CREB1: variants seen among roughly 807,000 people sequenced by gnomAD.
The protein encoded by CREB1 is cyclic AMP-responsive element-binding protein 1.
In CREB1, 2 loss-of-function variants were observed where a neutral mutation model predicts 42.0. The ratio of observed to expected loss-of-function variants is 0.05; its 90% CI spans 0.02 to 0.15. The LOEUF (loss-of-function observed/expected upper bound fraction) is 0.15, where lower values mean the gene tolerates loss of function less well. CREB1 is among the 10% of genes least tolerant of loss of function. CREB1 has a pLI of 1.00. For missense variants in CREB1, 199 were observed against 388.9 expected, an observed-to-expected ratio of 0.51 and a Z score of 4.11; for synonymous variants, 123 against 139.9, an observed-to-expected ratio of 0.88 and a Z score of 0.85.
chr2:207,555,485 A>G, intron 1 of CREB1, 143 bp from the exon 2 acceptor site: 1 of 520,574 alleles, frequency 1.9e-6, no homozygotes. Context: ...TAATTCAGCT[A>G]CATTATATTT....
At chr2:207,582,915 A>G in intron 7 of CREB1, 1 of 273,640 alleles carries the variant, frequency 3.7e-6, no homozygotes, top group Non-Finnish European at 7.3e-6. Context: ...ACAAACAAAA[A>G]AAAATATATA....
chr2:207,596,865 A>G (rs2086278930), intron 7 of CREB1, 49 bp from the exon 8 acceptor site: 2 of 1,575,780 alleles, frequency 1.3e-6, no homozygotes, highest in African/African-American at 1.4e-5. Context: ...TCCAAAATAA[A>G]TATGTGGAAA....
In CREB1 at chr2:207,597,149, A is replaced by G. The variant is rs993337006; in HGVS notation, c.*91A>G. ...AAAATAAACATTTTATTTTCTAAACATTTCTTTTTTTCTATGCGCAAAACT... is the reference window on the plus strand; with the variant it reads ...AAAATAAACATTTTATTTTCTAAACGTTTCTTTTTTTCTATGCGCAAAACT... On this transcript the variant is annotated 3_prime_UTR_variant, in exon 8 of 8. Transcript: ENST00000353267. 2.1e-6 allele frequency: 3 copies of G among 1,401,588 alleles called. No homozygotes were observed. The highest frequency in any genetic ancestry group is 1.5e-5 in the African/African-American group (1 of 66,600). The allele number at this position is 1,401,588 out of a possible 1,614,324, so 86.8% of individuals were successfully genotyped here.
At chr2:207,555,169 T>A (rs928124422) in intron 1 of CREB1, among the ~76,000 whole-genome samples, 1 of 152,178 alleles carries the variant, frequency 6.6e-6, no homozygotes, top group East Asian at 1.9e-4. Flanking sequence ...TTCCTTCTTA[T>A]GGGGGGAAAT....
rs370694699 is a variant in CREB1, at chr2:207,580,280, A to G, written c.839+2625A>G. Among the ~76,000 whole-genome samples the G allele has an allele frequency of 2.0e-5, 3 of 152,322 alleles. No individual in the cohort carries two copies. In the East Asian group the frequency reaches 5.8e-4, roughly 29 times the overall value. On this transcript the variant is annotated intron_variant, in intron 7 of 7. Transcript: ENST00000353267. ...ACTTCACTGATTCCAGTATGCAGCC[A>G]TCTTCTGCTGTGCCTCTCAAACCAG...
chr2:207,568,980 A>G (rs2082247373), intron 4 of CREB1, among the ~76,000 whole-genome samples: 1 of 152,112 alleles, frequency 6.6e-6, no homozygotes, highest in African/African-American at 2.4e-5. Flanking sequence ...AGCTAAAACC[A>G]TTACTCTCTC....
intron 3 of CREB1, among the ~76,000 whole-genome samples, chr2:207,567,094 A>G (rs756819080): frequency 3.9e-5 from 6 of 152,186 alleles, no homozygotes; most frequent in Non-Finnish European, 7.4e-5. Flanking sequence ...TAGTCACTAT[A>G]TAGACTTAGG....
intron 1 of CREB1, among the ~76,000 whole-genome samples, chr2:207,540,669 T>TAAAAAAAAAAAAAAAAAAAAAAAAA (rs35714520): frequency 1.6e-5 from 1 of 64,268 alleles, no homozygotes; most frequent in African/African-American, 7.0e-5. Context: ...GTTTAAAAAG[T>TAAAAAAAAAAAAAAAAAAAAAAAAA]AAAAAAAAAA....
intron 7 of CREB1, among the ~76,000 whole-genome samples, chr2:207,590,981 A>G (rs956282476): frequency 2.0e-5 from 3 of 152,112 alleles, no homozygotes; most frequent in Admixed American, 6.5e-5. Context: ...TTTTTGACCT[A>G]TAGACTTAGA....
chr2:207,571,628 C>T (rs896348596), intron 5 of CREB1: 42 of 347,084 alleles, frequency 1.2e-4, no homozygotes, highest in South Asian at 1.6e-4. Context: ...CAATTCTGTA[C>T]GTGTATGTGT....
chr2:207,582,856 ACTC>A, intron 7 of CREB1: 1 of 329,518 alleles, frequency 3.0e-6, no homozygotes, highest in Non-Finnish European at 6.0e-6. Flanking sequence ...TGGCACTACT[ACTC>A]CAGCCTGAGT....
intron 3 of CREB1, among the ~76,000 whole-genome samples, chr2:207,561,395 A>T (rs1313358618): frequency 6.6e-6 from 1 of 152,176 alleles, no homozygotes; most frequent in Non-Finnish European, 1.5e-5. Flanking sequence ...ATTTACTTGA[A>T]CACTTTCAGA....
chr2:207,604,744 C>A lies in CREB1; in HGVS notation c.*7686C>A, dbSNP rs766977918. Reference sequence around the variant, plus strand: ...AAGTCCCGTTACTCTCCATTTTCTCCTCCCACCGCCCTTGTCCCTGGCAAC... The same window carrying A: ...AAGTCCCGTTACTCTCCATTTTCTCATCCCACCGCCCTTGTCCCTGGCAAC... On this transcript the variant is annotated 3_prime_UTR_variant, in exon 8 of 8. Transcript: ENST00000353267. Among the ~76,000 whole-genome samples, 1 of 152,208 alleles carries A rather than the reference C, an allele frequency of 6.6e-6. No homozygotes were observed. The highest frequency in any genetic ancestry group is 2.4e-5 in the African/African-American group (1 of 41,444).
At chr2:207,584,555 C>T (rs1322988542) in intron 7 of CREB1, among the ~76,000 whole-genome samples, 3 of 152,144 alleles carry the variant, frequency 2.0e-5, no homozygotes, top group African/African-American at 7.2e-5. Flanking sequence ...CAGGCACCTG[C>T]CACCACGTCT....
intron 3 of CREB1, 54 bp downstream of exon 3, chr2:207,560,426 ATCTC>A (rs1479220035): frequency 1.3e-6 from 2 of 1,537,628 alleles, no homozygotes; most frequent in African/African-American, 2.7e-5. Context: ...TTATAGCCAT[ATCTC>A]TCTCCTTTCA....
At chr2:207,531,978 T>A (rs546570104) in intron 1 of CREB1, among the ~76,000 whole-genome samples, 1 of 152,260 alleles carries the variant, frequency 6.6e-6, no homozygotes, top group Non-Finnish European at 1.5e-5. Context: ...ACTGAAAAAA[T>A]TATAGTATTG....
At chr2:207,530,373 C>A (rs1173558162) in intron 1 of CREB1, among the ~76,000 whole-genome samples, 1 of 145,788 alleles carries the variant, frequency 6.9e-6, no homozygotes. Flanking sequence ...CAGCCAGCGG[C>A]GGCGCTCATG....
intron 1 of CREB1, among the ~76,000 whole-genome samples, chr2:207,532,301 G>A (rs1490683055): frequency 3.3e-5 from 5 of 149,570 alleles, no homozygotes; most frequent in Non-Finnish European, 7.4e-5. Flanking sequence ...CAGCCTGGGC[G>A]ACACAGCAAG....
intron 7 of CREB1, among the ~76,000 whole-genome samples, chr2:207,588,728 GT>G (rs58013876): frequency 0.42 from 56,839 of 134,668 alleles, 11,795 homozygotes; most frequent in African/African-American, 0.54. Flanking sequence ...CTGTTTTCTG[GT>G]TTTTTTTTTT....
Sources: gnomAD v4.1 joint callset for allele counts (sites outside exome capture counted in the v4.1 genomes callset) on GRCh38, gnomAD v4.1.1 for gene constraint, MANE v1.5 for transcripts, NCBI Gene and HGNC (gene_info 2026-07-23, HGNC 2026-07-21) for gene names.